The following ENTREP2 variants were observed in gnomAD, a reference collection of about 807,000 sequenced individuals.
The protein encoded by ENTREP2 is endosomal transmembrane epsin interactor 2, also known as protein ENTREP2.
the ENTREP2 span, among the ~76,000 whole-genome samples, chr15:29,640,811 A>T: frequency 1.3e-5 from 2 of 152,222 alleles, no homozygotes; most frequent in Admixed American, 6.5e-5. Flanking sequence ...AGAAGCCAAC[A>T]CTTTCCAACT....
At chr15:29,429,371 G>A in the ENTREP2 span, among the ~76,000 whole-genome samples, 1 of 152,138 alleles carries the variant, frequency 6.6e-6, no homozygotes, top group African/African-American at 2.4e-5. Flanking sequence ...ACAGGCACAC[G>A]CTACCACACC....
chr15:29,275,614 C>T, the ENTREP2 span, among the ~76,000 whole-genome samples: 1 of 152,160 alleles, frequency 6.6e-6, no homozygotes, highest in African/African-American at 2.4e-5. Context: ...GTGCAAAGAA[C>T]AAGGAAATGC....
At chr15:29,602,421 G>GT in the ENTREP2 span, among the ~76,000 whole-genome samples, 2 of 152,122 alleles carry the variant, frequency 1.3e-5, no homozygotes, top group East Asian at 3.9e-4. Context: ...TTAAAAAAAT[G>GT]TATTTTAAGC....
chr15:29,326,927 T>A, the ENTREP2 span, among the ~76,000 whole-genome samples: 5 of 152,136 alleles, frequency 3.3e-5, no homozygotes, highest in African/African-American at 1.2e-4. Flanking sequence ...AGTTAACTGA[T>A]CTTTGAAATA....
At chr15:29,296,596 T>A in the ENTREP2 span, among the ~76,000 whole-genome samples, 58,554 of 152,058 alleles carry the variant, frequency 0.39, 11,586 homozygotes, top group African/African-American at 0.47. Flanking sequence ...TGATGTTTTT[T>A]AAATTAAACA....
the ENTREP2 span, among the ~76,000 whole-genome samples, chr15:29,322,342 TCAC>T: frequency 6.6e-6 from 1 of 152,206 alleles, no homozygotes; most frequent in Non-Finnish European, 1.5e-5. Flanking sequence ...TTACCTATAG[TCAC>T]CACATTGTGC....
the ENTREP2 span, chr15:29,195,179 T>C: frequency 1.0e-6 from 1 of 985,378 alleles, no homozygotes; most frequent in South Asian, 4.7e-5. Flanking sequence ...GCTGCATCTG[T>C]CACTCTGGTG....
At chr15:29,252,473 G>A in the ENTREP2 span, 1 of 1,541,060 alleles carries the variant, frequency 6.5e-7, no homozygotes, top group African/African-American at 1.4e-5. Flanking sequence ...GCATGAAAAA[G>A]GTTATCTGGA....
At chr15:29,440,338 CAGAT>C in the ENTREP2 span, among the ~76,000 whole-genome samples, 2 of 152,150 alleles carry the variant, frequency 1.3e-5, no homozygotes, top group African/African-American at 4.8e-5. Flanking sequence ...GTTCTAATGC[CAGAT>C]ACCAGCCAAA....
chr15:29,619,055 C>T, the ENTREP2 span, among the ~76,000 whole-genome samples: 3 of 152,320 alleles, frequency 2.0e-5, no homozygotes, highest in East Asian at 3.9e-4. Context: ...GAAGCGAAAT[C>T]ACCCTTTCTG....
chr15:29,301,004 A>G, the ENTREP2 span, among the ~76,000 whole-genome samples: 1 of 152,250 alleles, frequency 6.6e-6, no homozygotes, highest in Non-Finnish European at 1.5e-5. Context: ...GAAGTAAAAA[A>G]CACTATTCAT....
At chr15:29,315,313 A>G in the ENTREP2 span, among the ~76,000 whole-genome samples, 1 of 152,242 alleles carries the variant, frequency 6.6e-6, no homozygotes. Flanking sequence ...AAGGAAGGCT[A>G]GCCCTTCCAG....
chr15:29,426,042 AATTG>A, the ENTREP2 span, among the ~76,000 whole-genome samples: 31 of 150,674 alleles, frequency 2.1e-4, no homozygotes, highest in East Asian at 5.8e-4. Context: ...ACATAAAGAT[AATTG>A]ATTATTTTAA....
the ENTREP2 span, among the ~76,000 whole-genome samples, chr15:29,254,393 C>T: frequency 6.6e-6 from 1 of 152,040 alleles, no homozygotes; most frequent in Non-Finnish European, 1.5e-5. Context: ...TGATTATTGC[C>T]CCACTGATAT....
the ENTREP2 span, among the ~76,000 whole-genome samples, chr15:29,644,265 G>A: frequency 1.3e-5 from 2 of 152,130 alleles, no homozygotes; most frequent in Non-Finnish European, 2.9e-5. Context: ...TAGATTACCG[G>A]TTGCCAAGGG....
At chr15:29,427,484 G>A in the ENTREP2 span, among the ~76,000 whole-genome samples, 1 of 152,180 alleles carries the variant, frequency 6.6e-6, no homozygotes, top group Non-Finnish European at 1.5e-5. Flanking sequence ...GGTTGGGTTG[G>A]TAGGACTGAG....
chr15:29,594,483 G>T, the ENTREP2 span, among the ~76,000 whole-genome samples: 4 of 152,112 alleles, frequency 2.6e-5, no homozygotes, highest in African/African-American at 7.2e-5. Context: ...TTCTCCAGAG[G>T]TGCAATAGAT....
the ENTREP2 span, among the ~76,000 whole-genome samples, chr15:29,313,727 G>A: frequency 0.019 from 2,925 of 152,200 alleles, 101 homozygotes; most frequent in African/African-American, 0.067. Flanking sequence ...TGCAGCCCAC[G>A]GGTCAGGGAG....
the ENTREP2 span, among the ~76,000 whole-genome samples, chr15:29,317,788 C>T: frequency 2.6e-5 from 4 of 152,094 alleles, no homozygotes; most frequent in African/African-American, 4.8e-5. Context: ...ACTGTCACAG[C>T]AGCAAGATCC....
Sources: gnomAD v4.1 joint callset for allele counts (sites outside exome capture counted in the v4.1 genomes callset) on GRCh38, gnomAD v4.1.1 for gene constraint, MANE v1.5 for transcripts, NCBI Gene and HGNC (gene_info 2026-07-23, HGNC 2026-07-21) for gene names.